Variants in PTPRD observed in about 807,000 individuals in gnomAD.
PTPRD encodes protein tyrosine phosphatase receptor type D.
PTPRD carries 34 observed loss-of-function variants against 214.5 expected under a neutral mutation model. The ratio of observed to expected loss-of-function variants is 0.16; its 90% CI spans 0.12 to 0.21. The LOEUF is 0.21. Among genes scored for constraint, PTPRD ranks in the 10% least tolerant of loss-of-function variants. PTPRD has a pLI of 1.00. For synonymous variants in PTPRD, 1,128 were observed against 845.7 expected (o/e 1.33, Z -5.79); for missense variants, 2,545 against 2,398.7 (o/e 1.06, Z -1.27).
At chr9:8,951,955 A>G (rs549589520) in intron 11 of PTPRD, among the ~76,000 whole-genome samples, 18 of 152,138 alleles carry the variant, frequency 1.2e-4, no homozygotes, top group African/African-American at 4.3e-4. Context: ...TCCCTAATTC[A>G]TTCTTCGGTC....
At chr9:9,552,495 A>T (rs1459842599) in intron 8 of PTPRD, among the ~76,000 whole-genome samples, 1 of 152,026 alleles carries the variant, frequency 6.6e-6, no homozygotes, top group Non-Finnish European at 1.5e-5. Context: ...GTTCTTTATA[A>T]CTTACTTCAG....
At chr9:8,453,288 C>T (rs906504417) in intron 33 of PTPRD, among the ~76,000 whole-genome samples, 38 of 152,122 alleles carry the variant, frequency 2.5e-4, no homozygotes, top group Middle Eastern at 3.4e-3. Context: ...CTCAGCCTCC[C>T]GAGTAGCTGG....
At chr9:9,403,397 T>G (rs976365583) in intron 8 of PTPRD, among the ~76,000 whole-genome samples, 1 of 113,820 alleles carries the variant, frequency 8.8e-6, no homozygotes, top group South Asian at 3.0e-4. Context: ...CATTTCTAAA[T>G]ATTGTTATAT....
intron 22 of PTPRD, among the ~76,000 whole-genome samples, 171 bp downstream of exon 22, chr9:8,507,130 T>C (rs997393522): frequency 2.0e-5 from 3 of 152,068 alleles, no homozygotes; most frequent in African/African-American, 7.2e-5. Context: ...GTTGTTGTTT[T>C]GGGGTTTTTC....
At chr9:9,552,950 C>T (rs2080676909) in intron 8 of PTPRD, among the ~76,000 whole-genome samples, 1 of 152,016 alleles carries the variant, frequency 6.6e-6, no homozygotes, top group Admixed American at 6.6e-5. Context: ...GGTCAGATTT[C>T]AAAAGCTAAT....
chr9:9,940,078 G>A (rs1010732784), intron 4 of PTPRD, among the ~76,000 whole-genome samples: 1 of 152,092 alleles, frequency 6.6e-6, no homozygotes, highest in African/African-American at 2.4e-5. Flanking sequence ...TAAAAGTGTG[G>A]GCTGTATGTG....
rs912717134 is a variant in PTPRD, at chr9:8,979,501, A to G, written c.-104+39196T>C. ...TAAACCACATATCTGATAAGGGACT[A>G]CTATCCAAAATTTATAAAGAACTCT... On this transcript the variant is annotated intron_variant, in intron 11 of 45. Transcript: ENST00000381196. Among the ~76,000 whole-genome samples, 14 of 152,144 alleles carry G rather than the reference A, an allele frequency of 9.2e-5. No individual in the cohort carries two copies. The East Asian group carries it at 2.7e-3, about 29-fold the overall frequency.
intron 4 of PTPRD, among the ~76,000 whole-genome samples, chr9:9,955,894 A>G (rs1452312376): frequency 1.3e-5 from 2 of 152,124 alleles, no homozygotes; most frequent in Admixed American, 6.5e-5. Context: ...ATGTAACTAC[A>G]TGTTCCTGAA....
chr9:8,629,750 T>C (rs937142954), intron 14 of PTPRD, among the ~76,000 whole-genome samples: 2 of 151,710 alleles, frequency 1.3e-5, no homozygotes, highest in Admixed American at 1.3e-4. Context: ...AACTAAAAAA[T>C]TAAAATGACT....
chr9:8,348,042 T>C (rs779262739), intron 39 of PTPRD, among the ~76,000 whole-genome samples: 14 of 151,944 alleles, frequency 9.2e-5, no homozygotes, highest in Non-Finnish European at 1.5e-4. Flanking sequence ...TGAAAAGATA[T>C]CCTAAAAAAA....
chr9:8,375,104 A>C (rs971105118), intron 39 of PTPRD, among the ~76,000 whole-genome samples: 2 of 151,948 alleles, frequency 1.3e-5, no homozygotes, highest in Admixed American at 1.3e-4. Context: ...TGAATTTCTC[A>C]GGTTATAAAG....
intron 9 of PTPRD, among the ~76,000 whole-genome samples, chr9:9,385,261 G>T (rs2063526267): frequency 6.6e-6 from 1 of 152,166 alleles, no homozygotes; most frequent in African/African-American, 2.4e-5. Context: ...AAGACAGCCA[G>T]AAATTTTAGT....
At chr9:9,518,517 A>G (rs1188653015) in intron 8 of PTPRD, among the ~76,000 whole-genome samples, 1 of 152,112 alleles carries the variant, frequency 6.6e-6, no homozygotes, top group African/African-American at 2.4e-5. Context: ...AAGGCATAAT[A>G]GGGTAGGTCA....
intron 14 of PTPRD, among the ~76,000 whole-genome samples, chr9:8,545,664 C>T (rs375021156): frequency 2.6e-5 from 4 of 152,162 alleles, no homozygotes; most frequent in African/African-American, 9.7e-5. Flanking sequence ...ACTGAGTCTA[C>T]AGAGACATTA....
intron 43 of PTPRD, among the ~76,000 whole-genome samples, chr9:8,332,118 C>T (rs1031498508): frequency 6.9e-6 from 1 of 144,356 alleles, no homozygotes. Flanking sequence ...TAAAATGGAA[C>T]ATATATATTC....
At chr9:9,066,193 A>G (rs955790970) in intron 10 of PTPRD, among the ~76,000 whole-genome samples, 8 of 152,154 alleles carry the variant, frequency 5.3e-5, no homozygotes, top group African/African-American at 1.9e-4. Flanking sequence ...CATAAAATCA[A>G]TTAGGATGGG....
At chr9:9,207,542 T>C (rs2099945634) in intron 9 of PTPRD, among the ~76,000 whole-genome samples, 1 of 152,120 alleles carries the variant, frequency 6.6e-6, no homozygotes. Flanking sequence ...CAACATACAA[T>C]GCTGGTCGAG....
intron 9 of PTPRD, among the ~76,000 whole-genome samples, chr9:9,349,873 T>G (rs1460094905): frequency 6.6e-6 from 1 of 152,074 alleles, no homozygotes; most frequent in African/African-American, 2.4e-5. Flanking sequence ...TAGTCCATTG[T>G]AAAAAGCCAT....
chr9:9,262,381 G>T (rs1481157762), intron 9 of PTPRD, among the ~76,000 whole-genome samples: 1 of 150,682 alleles, frequency 6.6e-6, no homozygotes, highest in Non-Finnish European at 1.5e-5. Context: ...TTAATGTAAT[G>T]TTTACATGCT....
Sources: allele counts gnomAD v4.1 joint callset (sites outside exome capture counted in the v4.1 genomes callset), GRCh38; gene constraint gnomAD v4.1.1; transcripts MANE v1.5; gene names NCBI Gene and HGNC (gene_info 2026-07-23, HGNC 2026-07-21).